GRIA4: variants seen among roughly 807,000 people sequenced by gnomAD.
GRIA4 encodes the protein glutamate ionotropic receptor AMPA type subunit 4.
A neutral mutation model predicts 104.0 loss-of-function variants in GRIA4; 34 were observed. That is an observed-to-expected ratio of 0.33 (90% confidence interval 0.25 to 0.44). The LOEUF (loss-of-function observed/expected upper bound fraction) is 0.44, where lower values mean the gene tolerates loss of function less well. Ranked by LOEUF, GRIA4 falls within the 20% of genes least tolerant of loss-of-function variation. The pLI is 1.00. For synonymous variants in GRIA4, 386 were observed against 381.9 expected (o/e 1.01, Z -0.13); for missense variants, 750 against 1,096.5 (o/e 0.68, Z 4.46).
Position 105,611,012 on chromosome 11 carries a change from C to G in GRIA4, c.15C>G (p.Ser5=), listed in dbSNP as rs1241045855. ...GAGAAAAGAAGATGAGGATTATTTCCAGACAGATTGTCTTGTTATTTTCTG... is the reference window on the plus strand; with the variant it reads ...GAGAAAAGAAGATGAGGATTATTTCGAGACAGATTGTCTTGTTATTTTCTG... MRII[S]RQIVLLFSGF... The change falls in exon 2 of 17, where the codon TCC becomes TCG. Residue 5 remains serine, a synonymous_variant. Coordinates refer to ENST00000282499, the MANE Select transcript of GRIA4 (RefSeq NM_000829.4). The G allele has an allele frequency of 6.2e-7, 1 of 1,612,006 alleles. No individual in the cohort carries two copies. The highest frequency in any genetic ancestry group is 1.3e-5 in the African/African-American group (1 of 74,704).
At chr11:105,745,159 GAAT>G (rs1484967732) in intron 3 of GRIA4, among the ~76,000 whole-genome samples, 3 of 151,934 alleles carry the variant, frequency 2.0e-5, no homozygotes, top group African/African-American at 7.2e-5. Context: ...TCCAAAATGT[GAAT>G]AATAGTAATA....
At position 105,981,178 on chromosome 11, in the gene GRIA4, C is replaced by T. The variant is rs762205732; in HGVS notation, c.*1439C>T. The T allele has an allele frequency of 1.3e-5, 2 of 152,576 alleles. No homozygotes were observed. The highest frequency in any genetic ancestry group is 2.9e-5 in the Non-Finnish European group (2 of 68,024). 9.5% of individuals were successfully genotyped at this position (152,576 alleles called of 1,614,324 possible). ...TCACCTTATGTATGAATTAAACTAA[C>T]ATGGTTCAAAAGAAGGTTTGGTTCA... On this transcript the variant is annotated 3_prime_UTR_variant, in exon 17 of 17. Coordinates refer to ENST00000282499, the MANE Select transcript of GRIA4 (RefSeq NM_000829.4).
intron 10 of GRIA4, chr11:105,911,775 A>AATACATATATATAT (rs376124658): frequency 2.0e-4 from 15 of 74,654 alleles, no homozygotes; most frequent in Non-Finnish European, 2.8e-4. Flanking sequence ...CTTGAAAAGC[A>AATACATATATATAT]ATATATATAT....
chr11:105,809,283 G>A (rs1285193372), intron 4 of GRIA4, among the ~76,000 whole-genome samples: 1 of 152,078 alleles, frequency 6.6e-6, no homozygotes, highest in Non-Finnish European at 1.5e-5. Flanking sequence ...TTTGATACAA[G>A]CATACAAAGT....
At chr11:105,846,971 C>T (rs913165592) in intron 4 of GRIA4, among the ~76,000 whole-genome samples, 1 of 152,312 alleles carries the variant, frequency 6.6e-6, no homozygotes, top group East Asian at 1.9e-4. Flanking sequence ...ATTAGGGCAA[C>T]GGTCCCCAAT....
chr11:105,809,387 A>AT (rs2135863824), intron 4 of GRIA4, among the ~76,000 whole-genome samples: 1 of 152,202 alleles, frequency 6.6e-6, no homozygotes, highest in Non-Finnish European at 1.5e-5. Context: ...CCTTCTAGTT[A>AT]TTTTAAAATA....
At chr11:105,927,756 T>C (rs1000967176) in intron 13 of GRIA4, among the ~76,000 whole-genome samples, 5 of 150,164 alleles carry the variant, frequency 3.3e-5, no homozygotes, top group Non-Finnish European at 7.4e-5. Flanking sequence ...ATACATTTGG[T>C]AATGTCTGAT....
chr11:105,640,234 C>T (rs528118767), intron 3 of GRIA4, among the ~76,000 whole-genome samples: 43 of 151,802 alleles, frequency 2.8e-4, no homozygotes, highest in African/African-American at 9.6e-4. Context: ...ATTTCAAAGC[C>T]CAAAAATGCA....
At chr11:105,682,524 T>C (rs752636098) in intron 3 of GRIA4, among the ~76,000 whole-genome samples, 4 of 152,228 alleles carry the variant, frequency 2.6e-5, no homozygotes, top group African/African-American at 7.2e-5. Flanking sequence ...GCAGTACTTA[T>C]GGTTTAACAA....
At chr11:105,619,108 A>C (rs2135265406) in intron 3 of GRIA4, among the ~76,000 whole-genome samples, 1 of 151,286 alleles carries the variant, frequency 6.6e-6, no homozygotes, top group African/African-American at 2.4e-5. Context: ...AGAGATTCTA[A>C]TACATAGGTT....
In GRIA4 at chr11:105,893,306, T is replaced by C. The variant is rs573299092; in HGVS notation, c.727-4963T>C. Among the ~76,000 whole-genome samples, 41 of 152,158 alleles carry C rather than the reference T, an allele frequency of 2.7e-4. 1 individual carries two copies. In the South Asian group the frequency reaches 7.5e-3, roughly 28 times the overall value. ...ATCCACTGTATTCTTTGGATAAAAA[T>C]TGAAATCAAAATGGCCACCAAAATA... On this transcript the variant is annotated intron_variant, in intron 6 of 16. Coordinates refer to ENST00000282499, the MANE Select transcript of GRIA4 (RefSeq NM_000829.4).
intron 3 of GRIA4, among the ~76,000 whole-genome samples, chr11:105,670,422 CT>C (rs1022829034): frequency 2.6e-5 from 4 of 151,968 alleles, no homozygotes; most frequent in Non-Finnish European, 4.4e-5. Flanking sequence ...ATTGTCATAC[CT>C]GTTTTCCAGA....
chr11:105,649,086 C>A (rs1951614647), intron 3 of GRIA4, among the ~76,000 whole-genome samples: 1 of 152,102 alleles, frequency 6.6e-6, no homozygotes, highest in Non-Finnish European at 1.5e-5. Context: ...AAAAAGTTCC[C>A]TTGCTACTTA....
chr11:105,849,786 A>T (rs1944731566), intron 4 of GRIA4, among the ~76,000 whole-genome samples: 1 of 152,184 alleles, frequency 6.6e-6, no homozygotes, highest in African/African-American at 2.4e-5. Flanking sequence ...ATAGGCATTA[A>T]TATCTCAAAC....
chr11:105,923,889 CT>C (rs1273476868), intron 11 of GRIA4, among the ~76,000 whole-genome samples: 1 of 152,090 alleles, frequency 6.6e-6, no homozygotes, highest in African/African-American at 2.4e-5. Flanking sequence ...GCTTTATGAT[CT>C]GTTTACTCAT....
intron 14 of GRIA4, among the ~76,000 whole-genome samples, chr11:105,959,307 T>A (rs1948674971): frequency 6.6e-6 from 1 of 152,196 alleles, no homozygotes; most frequent in Non-Finnish European, 1.5e-5. Context: ...TTCTTTTTCA[T>A]TCTTTTTTCT....
chr11:105,802,263 G>T (rs1322224886), intron 4 of GRIA4, among the ~76,000 whole-genome samples: 1 of 152,102 alleles, frequency 6.6e-6, no homozygotes, highest in Non-Finnish European at 1.5e-5. Flanking sequence ...CAAAAGCAGA[G>T]CCCGCCTGAC....
chr11:105,690,432 A>G (rs1428900262), intron 3 of GRIA4, among the ~76,000 whole-genome samples: 3 of 152,178 alleles, frequency 2.0e-5, no homozygotes, highest in Non-Finnish European at 2.9e-5. Context: ...TTTGCTGTGT[A>G]TGGCTTAACA....
At chr11:105,971,752 G>T (rs777758605) in intron 14 of GRIA4, among the ~76,000 whole-genome samples, 162 bp from the exon 15 acceptor site, 1 of 152,064 alleles carries the variant, frequency 6.6e-6, no homozygotes, top group Non-Finnish European at 1.5e-5. Context: ...GATGGAGCAG[G>T]CCCCAGTTTT....
Sources: gnomAD v4.1 joint callset for allele counts (sites outside exome capture counted in the v4.1 genomes callset) on GRCh38, gnomAD v4.1.1 for gene constraint, MANE v1.5 for transcripts, NCBI Gene and HGNC (gene_info 2026-07-23, HGNC 2026-07-21) for gene names.